The following MIER2 variants were observed in gnomAD, a reference collection of about 807,000 sequenced individuals.
MIER2 encodes the protein MIER family member 2.
In MIER2, 30 loss-of-function variants were observed where a neutral mutation model predicts 67.6. The ratio of observed to expected loss-of-function variants is 0.44; its 90% CI spans 0.33 to 0.60. MIER2 has a LOEUF of 0.60. MIER2 is among the 20% of genes least tolerant of loss of function. The pLI is 0.02. For synonymous variants in MIER2, 372 were observed against 312.6 expected (o/e 1.19, Z -2.00); for missense variants, 702 against 745.1 (o/e 0.94, Z 0.67).
At chr19:311,749 C>T in intron 10 of MIER2, 96 bp downstream of exon 10, 1 of 1,195,288 alleles carries the variant, frequency 8.4e-7, no homozygotes, top group African/African-American at 1.5e-5. Context: ...CACGGGGCTC[C>T]AGGCCTCCAG....
chr19:341,297 G>A (rs1392094501), intron 1 of MIER2, among the ~76,000 whole-genome samples: 1 of 145,562 alleles, frequency 6.9e-6, no homozygotes, highest in Non-Finnish European at 1.5e-5. Context: ...CAACAGTCCC[G>A]CAGGCTTGAG....
At chr19:316,296 G>GT (rs1555688963) in intron 7 of MIER2, among the ~76,000 whole-genome samples, 3 of 146,358 alleles carry the variant, frequency 2.0e-5, no homozygotes, top group African/African-American at 7.9e-5. Context: ...GTGATATGTA[G>GT]ATTTTTTTTT....
rs199718141 is a variant in MIER2 at position 313,575 on chromosome 19, G to A, written c.724C>T (p.Leu242=). The stretch of plus-strand genomic sequence containing the variant: ...CAACGCCGCTTCACCGCCCTGTACA[G>A]GAACTCCTCCACCTCCCTCTCAGGG... The part of the protein sequence containing the change: ...VLPEREVEEF[L]YRAVKRRWHE... Residue 242 remains leucine (L), a synonymous_variant, in exon 8 of 14, where the codon CTG becomes TTG. Transcript: ENST00000264819. The A allele has an allele frequency of 1.2e-5, 20 of 1,613,424 alleles. No homozygotes were observed. The African/African-American group carries it at 2.3e-4, about 18-fold the overall frequency.
intron 7 of MIER2, among the ~76,000 whole-genome samples, chr19:323,237 AGTC>A (rs1450880288): frequency 7.4e-6 from 1 of 135,312 alleles, no homozygotes; most frequent in Non-Finnish European, 1.7e-5. Context: ...CGAATGATAC[AGTC>A]GTCATCATAA....
chr19:314,436 C>G lies in MIER2; in HGVS notation c.656-793G>C, dbSNP rs1486612387. 3.9e-5 allele frequency among the ~76,000 whole-genome samples: 6 copies of G among 152,166 alleles called. No individual in the cohort carries two copies. The East Asian group carries it at 1.2e-3, about 29-fold the overall frequency. On this transcript the variant is annotated intron_variant, in intron 7 of 13. Transcript: ENST00000264819. ...TCAAGTGCCAGCACCTCTCAATTATCCAGGAAAGAGGCACAGGATCCCAAA... is the reference window on the plus strand; with the variant it reads ...TCAAGTGCCAGCACCTCTCAATTATGCAGGAAAGAGGCACAGGATCCCAAA...
chr19:327,121 A>T lies in MIER2; in HGVS notation c.493+12T>A. 1 of 1,576,088 alleles carries T rather than the reference A, an allele frequency of 6.3e-7. No individual in the cohort carries two copies. Among genetic ancestry groups the T allele is most frequent in the Non-Finnish European group, 8.6e-7 (1 of 1,168,652 alleles). On this transcript the variant is annotated intron_variant, in intron 5 of 13. Transcript: ENST00000264819. ...CCTGGCTGCGGTGGAGTATGGGGAC[A>T]GAGTCACCTACATCCACTCCGGTTA... is the stretch of plus-strand genomic sequence containing the variant.
chr19:320,388 AATAG>A (rs202088577), intron 7 of MIER2, among the ~76,000 whole-genome samples: 3 of 152,074 alleles, frequency 2.0e-5, no homozygotes, highest in African/African-American at 4.8e-5. Context: ...CAAAAAACTA[AATAG>A]ATAGATAGAT....
chr19:343,077 G>C (rs552079636), intron 1 of MIER2, among the ~76,000 whole-genome samples: 49 of 152,332 alleles, frequency 3.2e-4, no homozygotes, highest in East Asian at 2.9e-3. Flanking sequence ...GCCGAGGACA[G>C]AGCGGGACCT....
chr19:327,277 G>T (rs772824739), intron 4 of MIER2, 21 bp from the exon 5 acceptor site: 3 of 1,436,630 alleles, frequency 2.1e-6, no homozygotes, highest in Non-Finnish European at 9.4e-7. Flanking sequence ...AAAAAAAAAA[G>T]TAAAGAACAT....
At chr19:321,880 TTTG>T (rs1971518783) in intron 7 of MIER2, among the ~76,000 whole-genome samples, 1 of 151,866 alleles carries the variant, frequency 6.6e-6, no homozygotes, top group African/African-American at 2.4e-5. Flanking sequence ...ACAATGGACT[TTTG>T]TTGTTTTTAT....
chr19:326,940 T>C, intron 5 of MIER2, 193 bp downstream of exon 5: 1 of 723,176 alleles, frequency 1.4e-6, no homozygotes, highest in Non-Finnish European at 2.2e-6. Flanking sequence ...CAAATCGCTC[T>C]GAGAGTCCAG....
rs2145518056 is a variant in MIER2, at chr19:333,585, C to T, written c.243+815G>A. ...CTGGAGTGCAATGGCGTGATCTCGG[C>T]TCACCGCAACCTCCGCCTCCCAGGT... On this transcript the variant is annotated intron_variant, in intron 3 of 13. Coordinates refer to ENST00000264819, the MANE Select transcript of MIER2 (RefSeq NM_017550.3). Among the ~76,000 whole-genome samples, 2 of 60,912 alleles carry T rather than the reference C, an allele frequency of 3.3e-5. 1 individual carries two copies. The highest frequency in any genetic ancestry group is 9.0e-3 in the Middle Eastern group (2 of 222). 40.0% of individuals were successfully genotyped at this position (60,912 alleles called of 152,430 possible).
chr19:341,032 G>A (rs1262936745), intron 1 of MIER2, among the ~76,000 whole-genome samples: 1 of 152,172 alleles, frequency 6.6e-6, no homozygotes, highest in Non-Finnish European at 1.5e-5. Context: ...GACACAGCAG[G>A]TGGCCACCAG....
rs560540316 is a variant in MIER2 at position 323,683 on chromosome 19, G to C, written c.655+1952C>G. ...CAAAAACCACAGCATCCAAACCAAG[G>C]ACCACAATGCAATACACAAGACACA... is the stretch of plus-strand genomic sequence containing the variant. On this transcript the variant is annotated intron_variant, in intron 7 of 13. Transcript: ENST00000264819. Among the ~76,000 whole-genome samples, 5 of 149,966 alleles carry C rather than the reference G, an allele frequency of 3.3e-5. No individual in the cohort carries two copies. In the South Asian group the frequency reaches 1.1e-3, roughly 32 times the overall value.
At chr19:322,534 T>C (rs1971544240) in intron 7 of MIER2, among the ~76,000 whole-genome samples, 1 of 151,972 alleles carries the variant, frequency 6.6e-6, no homozygotes, top group Non-Finnish European at 1.5e-5. Context: ...GGGAGAAAGC[T>C]TGGAGCACGC....
At chr19:317,354 C>T (rs529846522) in intron 7 of MIER2, among the ~76,000 whole-genome samples, 19,964 of 151,904 alleles carry the variant, frequency 0.13, 1,767 homozygotes, top group South Asian at 0.22. Flanking sequence ...GGTGAAACCT[C>T]GTCTCTACTA....
chr19:320,885 G>C (rs1269471309), intron 7 of MIER2, among the ~76,000 whole-genome samples: 1 of 152,202 alleles, frequency 6.6e-6, no homozygotes. Context: ...CCTGAGTGGA[G>C]CTTCTCGAAT....
chr19:337,571 A>G (rs1480153321), intron 1 of MIER2, among the ~76,000 whole-genome samples: 2 of 152,130 alleles, frequency 1.3e-5, no homozygotes, highest in African/African-American at 4.8e-5. Context: ...AAAAAGAATC[A>G]AGATCGGTAA....
intron 10 of MIER2, among the ~76,000 whole-genome samples, chr19:309,423 A>T (rs1970820261): frequency 6.6e-6 from 1 of 152,076 alleles, no homozygotes; most frequent in Non-Finnish European, 1.5e-5. Context: ...TTCCCACCGA[A>T]CACATCCCTC....
Sources: allele counts gnomAD v4.1 joint callset (sites outside exome capture counted in the v4.1 genomes callset), GRCh38; gene constraint gnomAD v4.1.1; transcripts MANE v1.5; gene names NCBI Gene and HGNC (gene_info 2026-07-23, HGNC 2026-07-21).